The following PCMTD1 variants were observed in gnomAD, a reference collection of about 807,000 sequenced individuals.
The protein encoded by PCMTD1 is protein-L-isoaspartate O-methyltransferase domain-containing protein 1.
Under a neutral mutation model 37.6 loss-of-function variants are expected in PCMTD1, and 12 were observed. The ratio of observed to expected loss-of-function variants is 0.32; its 90% CI spans 0.20 to 0.52. The LOEUF (loss-of-function observed/expected upper bound fraction) is 0.52, where lower values mean the gene tolerates loss of function less well. Ranked by LOEUF, PCMTD1 falls within the 20% of genes least tolerant of loss-of-function variation. The probability of loss-of-function intolerance (pLI) is 0.97; values close to 1 mark genes in which losing one functional copy is unlikely to be tolerated. For synonymous variants in PCMTD1, 117 were observed against 135.8 expected, an observed-to-expected ratio of 0.86 and a Z score of 0.96; for missense variants, 235 against 421.3, an observed-to-expected ratio of 0.56 and a Z score of 3.87.
rs764485169 is a variant in PCMTD1, at chr8:51,820,670, C to T, written c.755G>A (p.Arg252Gln). Residue 252 changes from arginine (R) to glutamine (Q), a missense_variant, in exon 6 of 6, where the codon CGA becomes CAA. Physicochemically the swap from Arg to Gln is conservative, Grantham distance 43. Around this residue, in one of 3 missense-constraint regions of PCMTD1, gnomAD observed 183 missense variants for 349.3 expected, o/e 0.52. Transcript: ENST00000522514. The part of the protein sequence containing the change: ...NLQDLARIYI[R>Q]RTLRNFINDE... ...ATTTATGAAATTTCTAAGTGTGCGTCGAATGTAAATACGAGCCAAGTCCTG... is the reference window on the plus strand; with the variant it reads ...ATTTATGAAATTTCTAAGTGTGCGTTGAATGTAAATACGAGCCAAGTCCTG... The T allele has an allele frequency of 6.2e-7, 1 of 1,613,256 alleles. No individual in the cohort carries two copies. The highest frequency in any genetic ancestry group is 1.7e-5 in the Admixed American group (1 of 59,894).
intron 1 of PCMTD1, among the ~76,000 whole-genome samples, chr8:51,864,975 C>T (rs750965655): frequency 3.3e-5 from 5 of 151,818 alleles, no homozygotes; most frequent in Non-Finnish European, 7.4e-5. Context: ...AAGGCTCTAA[C>T]AATAAAGTCA....
chr8:51,834,781 C>T (rs1257787181), intron 3 of PCMTD1, among the ~76,000 whole-genome samples: 1 of 152,062 alleles, frequency 6.6e-6, no homozygotes, highest in Non-Finnish European at 1.5e-5. Flanking sequence ...ACATTATAAA[C>T]ATCTATTTCC....
Position 51,895,934 on chromosome 8 carries a change from A to ATTTTTTTTTTTTTTTTTTTTTTTTTT in PCMTD1, c.-96+2995_-96+2996insAAAAAAAAAAAAAAAAAAAAAAAAAA, listed in dbSNP as rs1563367741. ...CTTTATTAATGTTAGTATTTGTCCC[A>ATTTTTTTTTTTTTTTTTTTTTTTTTT]TTTCTTTTTTTTTTTTTTTTTTTTT... On this transcript the variant is annotated intron_variant, in intron 1 of 5. Coordinates refer to ENST00000522514, the MANE Select transcript of PCMTD1 (RefSeq NM_052937.4). 5 of 116,670 alleles carry ATTTTTTTTTTTTTTTTTTTTTTTTTT rather than the reference A, an allele frequency of 4.3e-5. 2 individuals carry two copies. Among genetic ancestry groups the ATTTTTTTTTTTTTTTTTTTTTTTTTT allele is most frequent in the Non-Finnish European group, 8.5e-5 (5 of 58,622 alleles). 7.2% of individuals were successfully genotyped at this position (116,670 alleles called of 1,614,324 possible). A position where few individuals can be genotyped will look rare whatever the true frequency, so the allele number is the denominator to read the frequency against.
At chr8:51,844,565 C>T (rs983447017) in intron 3 of PCMTD1, among the ~76,000 whole-genome samples, 2 of 151,554 alleles carry the variant, frequency 1.3e-5, no homozygotes, top group Non-Finnish European at 2.9e-5. Context: ...ACTTGCCAGA[C>T]GATAAATACA....
rs2038466957 is a variant in PCMTD1, at chr8:51,861,375, T to TA, written c.-95-130dup. On this transcript the variant is annotated intron_variant, in intron 1 of 5. Coordinates refer to ENST00000522514, the MANE Select transcript of PCMTD1 (RefSeq NM_052937.4). ...GAAATATTCTGCTCCAGCATAGTGT[T>TA]AAACTCCTTCTTAACTATATTATTT... 7 of 630,774 alleles carry TA rather than the reference T, an allele frequency of 1.1e-5. No homozygotes were observed. The East Asian group carries it at 1.9e-4, about 17-fold the overall frequency. 39.1% of individuals were successfully genotyped at this position (630,774 alleles called of 1,614,324 possible).
chr8:51,828,366 T>C (rs1272691458), intron 5 of PCMTD1, among the ~76,000 whole-genome samples: 1 of 152,200 alleles, frequency 6.6e-6, no homozygotes, highest in Non-Finnish European at 1.5e-5. Context: ...TTGCAAGAAG[T>C]AGGGACCAGT....
At chr8:51,898,897 A>G in intron 1 of PCMTD1, 33 bp downstream of exon 1, 1 of 1,308,548 alleles carries the variant, frequency 7.6e-7, no homozygotes, top group Non-Finnish European at 9.7e-7. Context: ...CGCACACCCC[A>G]CGACCCCGAG....
At chr8:51,854,042 A>C (rs1417438897) in intron 2 of PCMTD1, among the ~76,000 whole-genome samples, 1 of 152,196 alleles carries the variant, frequency 6.6e-6, no homozygotes, top group Non-Finnish European at 1.5e-5. Flanking sequence ...TATTTGCTAC[A>C]TAGACAATCT....
intron 5 of PCMTD1, among the ~76,000 whole-genome samples, chr8:51,821,480 C>T (rs900642171): frequency 6.6e-5 from 10 of 152,136 alleles, no homozygotes; most frequent in African/African-American, 2.4e-4. Context: ...CTGCTCTGCC[C>T]ATCTTCCAAA....
intron 3 of PCMTD1, among the ~76,000 whole-genome samples, chr8:51,842,852 G>GCTATTTATTCT (rs1166522009): frequency 1.3e-5 from 2 of 152,098 alleles, no homozygotes; most frequent in Non-Finnish European, 2.9e-5. Flanking sequence ...AAGAATATTA[G>GCTATTTATTCT]GTTTCAGCTA....
chr8:51,856,651 C>T (rs2038394636), intron 2 of PCMTD1, among the ~76,000 whole-genome samples: 1 of 152,248 alleles, frequency 6.6e-6, no homozygotes, highest in South Asian at 2.1e-4. Flanking sequence ...TATATCTATA[C>T]AATGAAACAG....
At chr8:51,867,224 C>T (rs1208061459) in intron 1 of PCMTD1, among the ~76,000 whole-genome samples, 2 of 151,820 alleles carry the variant, frequency 1.3e-5, no homozygotes, top group Non-Finnish European at 2.9e-5. Flanking sequence ...AAAAGAGAAC[C>T]CTTGTGAACT....
chr8:51,852,694 C>T (rs986713132), intron 2 of PCMTD1, among the ~76,000 whole-genome samples: 3 of 152,010 alleles, frequency 2.0e-5, no homozygotes, highest in Non-Finnish European at 4.4e-5. Context: ...TCAAAGTATG[C>T]CTTTTGATAC....
At chr8:51,891,004 C>T (rs1460742979) in intron 1 of PCMTD1, among the ~76,000 whole-genome samples, 1 of 152,198 alleles carries the variant, frequency 6.6e-6, no homozygotes, top group Non-Finnish European at 1.5e-5. Context: ...GTGATAACAT[C>T]CCCGTTAACC....
At chr8:51,854,376 G>GAA (rs61269395) in intron 2 of PCMTD1, among the ~76,000 whole-genome samples, 1 of 150,710 alleles carries the variant, frequency 6.6e-6, no homozygotes, top group South Asian at 2.1e-4. Context: ...GTGAGAGGGG[G>GAA]AAAAAAAAAA....
intron 2 of PCMTD1, among the ~76,000 whole-genome samples, chr8:51,847,801 G>A (rs1192131481): frequency 6.6e-6 from 1 of 152,062 alleles, no homozygotes; most frequent in Non-Finnish European, 1.5e-5. Flanking sequence ...CCAAGGGCCA[G>A]GCACGGTGAC....
rs749080707 is a variant in PCMTD1, at chr8:51,820,458, C to T, written c.967G>A (p.Ala323Thr). 3 of 1,613,812 alleles carry T rather than the reference C, an allele frequency of 1.9e-6. No individual in the cohort carries two copies. Among genetic ancestry groups the T allele is most frequent in the Admixed American group, 3.3e-5 (2 of 59,960 alleles). ...KEEEEKDHNE[A>T]MKPEEPPQNL... is the part of the protein sequence containing the mutation. ...TGAGGTGGCTCCTCTGGCTTCATTG[C>T]TTCATTGTGATCTTTTTCCTCCTCT... Residue 323 changes from alanine to threonine, a missense_variant, in exon 6 of 6, where the codon GCA becomes ACA. By Grantham distance (58) the Ala-to-Thr change is moderately conservative. Transcript: ENST00000522514.
chr8:51,843,914 C>CTTAAGGTCT (rs1434774600), intron 3 of PCMTD1, among the ~76,000 whole-genome samples: 2 of 152,072 alleles, frequency 1.3e-5, no homozygotes, highest in Non-Finnish European at 2.9e-5. Flanking sequence ...TATAACAGAG[C>CTTAAGGTCT]TTAAAATAGA....
At chr8:51,844,572 T>C (rs960068242) in intron 3 of PCMTD1, among the ~76,000 whole-genome samples, 8 of 151,492 alleles carry the variant, frequency 5.3e-5, no homozygotes, top group Admixed American at 2.6e-4. Flanking sequence ...AGACGATAAA[T>C]ACAAACTGGG....
Sources: gnomAD v4.1 joint callset for allele counts (sites outside exome capture counted in the v4.1 genomes callset) on GRCh38, gnomAD v4.1.1 for gene constraint, gnomAD v4.1.1 regional missense constraint, MANE v1.5 for transcripts, NCBI Gene and HGNC (gene_info 2026-07-23, HGNC 2026-07-21) for gene names.